The following DHRSX variants were observed in gnomAD, a reference collection of about 807,000 sequenced individuals.
DHRSX encodes dehydrogenase/reductase X-linked.
In DHRSX, 31 loss-of-function variants were observed where a neutral mutation model predicts 34.0. The ratio of observed to expected loss-of-function variants is 0.91; its 90% CI spans 0.69 to 1.23. The LOEUF (loss-of-function observed/expected upper bound fraction) is 1.23. DHRSX is among the 50% of genes most tolerant of loss of function. The pLI is 0.00. For missense variants in DHRSX, 414 were observed against 428.1 expected (o/e 0.97, Z 0.29); for synonymous variants, 201 against 183.8 (o/e 1.09, Z -0.76).
At chrX:2,265,543 C>A (rs1462106690) in intron 5 of DHRSX, among the ~76,000 whole-genome samples, 2 of 126,942 alleles carry the variant, frequency 1.6e-5, no homozygotes, top group Admixed American at 7.7e-5. Context: ...GGAGCACTGT[C>A]CCCAGAGCAC....
chrX:2,407,669 A>G (rs1186623082), intron 3 of DHRSX, among the ~76,000 whole-genome samples: 1 of 152,136 alleles, frequency 6.6e-6, no homozygotes, highest in Non-Finnish European at 1.5e-5. Flanking sequence ...CATCTTCTAC[A>G]ATTTTTCCTA....
intron 4 of DHRSX, among the ~76,000 whole-genome samples, chrX:2,288,087 C>G (rs1191892875): frequency 6.7e-6 from 1 of 150,190 alleles, no homozygotes; most frequent in Non-Finnish European, 1.5e-5. Flanking sequence ...AATGGTTCTT[C>G]TACAAGGCAG....
rs182117219 is a variant in DHRSX, at chrX:2,483,189, G to A, written c.109+17628C>T. Reference sequence around the variant, plus strand: ...CAGCCTCGACTTTCCGGGCTCCAGCGATCCTCCCACCTCAGTCTCCCAAGT... The same window carrying A: ...CAGCCTCGACTTTCCGGGCTCCAGCAATCCTCCCACCTCAGTCTCCCAAGT... On this transcript the variant is annotated intron_variant, in intron 1 of 6. Coordinates refer to ENST00000334651, the MANE Select transcript of DHRSX (RefSeq NM_145177.3). Among the ~76,000 whole-genome samples, 19 of 152,198 alleles carry A rather than the reference G, an allele frequency of 1.2e-4. No homozygotes were observed. In the East Asian group the frequency reaches 2.7e-3, roughly 22 times the overall value.
rs1235071698 is a variant in DHRSX at position 2,371,544 on chromosome X, CT to C, written c.286+37200del. 6.1e-5 allele frequency among the ~76,000 whole-genome samples: 5 copies of C among 81,446 alleles called. No homozygotes were observed. The South Asian group carries it at 1.4e-3, about 22-fold the overall frequency. The allele number at this position is 81,446 out of a possible 152,430, so 53.4% of individuals were successfully genotyped here. A position where few individuals can be genotyped will look rare whatever the true frequency, so the allele number is the denominator to read the frequency against. On this transcript the variant is annotated intron_variant, in intron 3 of 6. Coordinates refer to ENST00000334651, the MANE Select transcript of DHRSX (RefSeq NM_145177.3). The stretch of plus-strand genomic sequence containing the variant: ...CCCTCCTCCGTTACCATAGTCCGTC[CT>C]TCTGTTACCATAGTCCCTCCTTCCA...
intron 3 of DHRSX, among the ~76,000 whole-genome samples, chrX:2,356,731 G>A (rs1006148980): frequency 3.9e-5 from 6 of 152,076 alleles, no homozygotes; most frequent in Admixed American, 3.3e-4. Flanking sequence ...TGAAGACCTC[G>A]GGGATGATCC....
chrX:2,414,364 T>A (rs755498167), intron 2 of DHRSX, among the ~76,000 whole-genome samples: 1 of 152,076 alleles, frequency 6.6e-6, no homozygotes, highest in Admixed American at 6.5e-5. Context: ...AATCTCATCA[T>A]GACCAACCCA....
intron 1 of DHRSX, among the ~76,000 whole-genome samples, chrX:2,491,173 G>T (rs1164960728): frequency 2.7e-5 from 4 of 150,446 alleles, no homozygotes; most frequent in Non-Finnish European, 5.9e-5. Flanking sequence ...GGGTTCAAGC[G>T]ATCTTCCTGC....
chrX:2,245,721 G>A (rs1040651363), intron 5 of DHRSX, among the ~76,000 whole-genome samples: 1 of 143,322 alleles, frequency 7.0e-6, no homozygotes, highest in African/African-American at 2.6e-5. Context: ...ACTTTGGGAG[G>A]CCAAGGCGGG....
intron 3 of DHRSX, among the ~76,000 whole-genome samples, chrX:2,306,242 A>G (rs1277303556): frequency 2.0e-5 from 3 of 151,492 alleles, no homozygotes; most frequent in African/African-American, 7.3e-5. Context: ...TTCAGGAGCT[A>G]CCTCGCACCA....
intron 1 of DHRSX, among the ~76,000 whole-genome samples, chrX:2,433,805 C>A (rs1024423811): frequency 3.9e-5 from 6 of 152,056 alleles, no homozygotes; most frequent in Non-Finnish European, 7.4e-5. Flanking sequence ...GATGGAGTCT[C>A]GCTCTGTCGC....
chrX:2,442,315 C>T (rs966978195), intron 1 of DHRSX, among the ~76,000 whole-genome samples: 3 of 150,820 alleles, frequency 2.0e-5, no homozygotes, highest in Non-Finnish European at 2.9e-5. Flanking sequence ...CTTGCTGTCT[C>T]GGGGGTGGCA....
At position 2,304,052 on chromosome X, in the gene DHRSX, GAT is replaced by G. The variant is rs1569485805; in HGVS notation, c.287-12451_287-12450del. On this transcript the variant is annotated intron_variant, in intron 3 of 6. Coordinates refer to ENST00000334651, the MANE Select transcript of DHRSX (RefSeq NM_145177.3). ...GGATGGATGGATGGATGGATGGATG[GAT>G]GGATGGATGGGTGGATGGATGGATG... is the stretch of plus-strand genomic sequence containing the variant. Among the ~76,000 whole-genome samples, 144 of 127,274 alleles carry G rather than the reference GAT, an allele frequency of 1.1e-3. 1 individual carries two copies. Among genetic ancestry groups the G allele is most frequent in the African/African-American group, 3.4e-3 (125 of 36,700 alleles). The allele number at this position is 127,274 out of a possible 152,430, so 83.5% of individuals were successfully genotyped here.
chrX:2,248,569 C>T (rs189182067), intron 5 of DHRSX, among the ~76,000 whole-genome samples: 7 of 141,656 alleles, frequency 4.9e-5, no homozygotes, highest in Non-Finnish European at 7.5e-5. Context: ...GCCAAGATTG[C>T]GCCATTGCAC....
At chrX:2,313,363 A>ATG (rs2042186962) in intron 3 of DHRSX, among the ~76,000 whole-genome samples, 1 of 146,550 alleles carries the variant, frequency 6.8e-6, no homozygotes, top group African/African-American at 2.5e-5. Flanking sequence ...TTGATTTATG[A>ATG]TTTTTTTTTT....
chrX:2,344,672 C>T (rs780060057), intron 3 of DHRSX, among the ~76,000 whole-genome samples: 4 of 151,802 alleles, frequency 2.6e-5, no homozygotes, highest in African/African-American at 4.8e-5. Flanking sequence ...AATGAGAACA[C>T]ATGGACACAG....
intron 5 of DHRSX, among the ~76,000 whole-genome samples, chrX:2,244,697 ATT>A (rs2016236790): frequency 1.5e-5 from 2 of 129,270 alleles, no homozygotes; most frequent in African/African-American, 5.7e-5. Flanking sequence ...ATATATATAT[ATT>A]TTTAAATTTT....
chrX:2,493,018 C>T lies in DHRSX; in HGVS notation c.109+7799G>A, dbSNP rs1005680649. Among the ~76,000 whole-genome samples, 5 of 152,210 alleles carry T rather than the reference C, an allele frequency of 3.3e-5. No homozygotes were observed. In the South Asian group the frequency reaches 1.0e-3, roughly 32 times the overall value. ...GCCCGCCCAGTGCTTTTTAGGGAGA[C>T]GCCGCCACGTGCCAGGTGAGCTGGG... is the stretch of plus-strand genomic sequence containing the variant. On this transcript the variant is annotated intron_variant, in intron 1 of 6. Transcript: ENST00000334651.
At chrX:2,318,151 C>T (rs2042262335) in intron 3 of DHRSX, among the ~76,000 whole-genome samples, 1 of 149,250 alleles carries the variant, frequency 6.7e-6, no homozygotes, top group Admixed American at 6.8e-5. Context: ...TCGAGACCAG[C>T]CTGGGCAACA....
intron 3 of DHRSX, among the ~76,000 whole-genome samples, chrX:2,364,743 TTATC>T (rs769231975): frequency 1.4e-3 from 218 of 152,302 alleles, no homozygotes; most frequent in African/African-American, 4.8e-3. Flanking sequence ...TATCTATCAT[TTATC>T]TATCTTTGAT....
Sources: allele counts gnomAD v4.1 joint callset (sites outside exome capture counted in the v4.1 genomes callset), GRCh38; gene constraint gnomAD v4.1.1; transcripts MANE v1.5; gene names NCBI Gene and HGNC (gene_info 2026-07-23, HGNC 2026-07-21).